Variants in MGAT5 observed in about 807,000 individuals in gnomAD.
The protein encoded by MGAT5 is alpha-1,6-mannosylglycoprotein 6-beta-N-acetylglucosaminyltransferase.
In MGAT5, 30 loss-of-function variants were observed where a neutral mutation model predicts 94.3. That is an observed-to-expected ratio of 0.32 (90% CI 0.24 to 0.43). The LOEUF (loss-of-function observed/expected upper bound fraction) is 0.43, where lower values mean the gene tolerates loss of function less well. Among genes scored for constraint, MGAT5 ranks in the 20% least tolerant of loss-of-function variants. The pLI is 1.00. For synonymous variants in MGAT5, 310 were observed against 322.9 expected (o/e 0.96, Z 0.43); for missense variants, 691 against 905.5 (o/e 0.76, Z 3.04).
chr2:134,424,522 G>C (rs1174060908), intron 13 of MGAT5, among the ~76,000 whole-genome samples: 2 of 152,136 alleles, frequency 1.3e-5, no homozygotes, highest in African/African-American at 2.4e-5. Context: ...GTTCCTCTAG[G>C]CTGCCTCAAA....
At chr2:134,255,785 G>T (rs1682928220) in intron 1 of MGAT5, among the ~76,000 whole-genome samples, 1 of 152,136 alleles carries the variant, frequency 6.6e-6, no homozygotes, top group Non-Finnish European at 1.5e-5. Flanking sequence ...CAAGGAAGGT[G>T]CCCTGAAGTA....
At chr2:134,410,330 A>G (rs1340202961) in intron 11 of MGAT5, among the ~76,000 whole-genome samples, 1 of 152,226 alleles carries the variant, frequency 6.6e-6, no homozygotes, top group African/African-American at 2.4e-5. Context: ...TATCACAGGT[A>G]ATAAGCACAC....
intron 8 of MGAT5, among the ~76,000 whole-genome samples, chr2:134,346,063 C>A (rs897695718): frequency 2.6e-5 from 4 of 152,062 alleles, no homozygotes; most frequent in Non-Finnish European, 5.9e-5. Context: ...AGTGCTCTAC[C>A]TTTTGCATGA....
intron 1 of MGAT5, among the ~76,000 whole-genome samples, chr2:134,236,374 A>C (rs886339809): frequency 9.2e-5 from 14 of 152,164 alleles, no homozygotes; most frequent in African/African-American, 2.7e-4. Context: ...TCTGCAGCCC[A>C]AAAGAGTCTC....
intron 1 of MGAT5, among the ~76,000 whole-genome samples, chr2:134,198,809 T>G (rs964190971): frequency 6.6e-6 from 1 of 152,230 alleles, no homozygotes; most frequent in Non-Finnish European, 1.5e-5. Flanking sequence ...CTTATAACTT[T>G]TGGTAACTGC....
At chr2:134,265,629 A>G (rs1207699773) in intron 1 of MGAT5, among the ~76,000 whole-genome samples, 1 of 152,224 alleles carries the variant, frequency 6.6e-6, no homozygotes, top group Non-Finnish European at 1.5e-5. Flanking sequence ...AGGAATGCAG[A>G]ATTGCAGTAG....
At chr2:134,289,573 A>G (rs1189767369) in intron 2 of MGAT5, among the ~76,000 whole-genome samples, 1 of 152,216 alleles carries the variant, frequency 6.6e-6, no homozygotes, top group Non-Finnish European at 1.5e-5. Context: ...TTGCAAGACT[A>G]ACCATGGACT....
At chr2:134,358,901 T>G (rs1441063551) in intron 9 of MGAT5, among the ~76,000 whole-genome samples, 1 of 152,206 alleles carries the variant, frequency 6.6e-6, no homozygotes, top group African/African-American at 2.4e-5. Flanking sequence ...CCAAAACATT[T>G]GTCATTGAGT....
chr2:134,229,897 C>G (rs938425064), intron 1 of MGAT5, among the ~76,000 whole-genome samples: 16 of 152,102 alleles, frequency 1.1e-4, no homozygotes, highest in African/African-American at 3.4e-4. Context: ...AACAAATAAT[C>G]AGTAAGTACA....
chr2:134,251,234 G>A (rs2105493803), upstream of MGAT5, among the ~76,000 whole-genome samples: 1 of 152,076 alleles, frequency 6.6e-6, no homozygotes, highest in South Asian at 2.1e-4. Flanking sequence ...GGAGCTAGGT[G>A]CAGCACCTAG....
intron 1 of MGAT5, among the ~76,000 whole-genome samples, chr2:134,189,591 A>ATTTTTTTTTTTTTTTTT (rs1689215447): frequency 3.8e-5 from 1 of 26,578 alleles, no homozygotes; most frequent in Non-Finnish European, 6.9e-5. Flanking sequence ...TCATGGCTCT[A>ATTTTTTTTTTTTTTTTT]GTTTTTTTTT....
intron 1 of MGAT5, among the ~76,000 whole-genome samples, chr2:134,171,639 C>T (rs1182789142): frequency 6.6e-6 from 1 of 152,262 alleles, no homozygotes; most frequent in East Asian, 1.9e-4. Context: ...TCCAAAAAAA[C>T]GGAGAACCAA....
At chr2:134,146,640 TGCTGTTGTTTCTAATGGATGTGAGA>T (rs1439274625) in intron 1 of MGAT5, among the ~76,000 whole-genome samples, 6 of 152,328 alleles carry the variant, frequency 3.9e-5, no homozygotes, top group Non-Finnish European at 8.8e-5. Flanking sequence ...AAGATAATGC[TGCTGTTGTTTCTAATGGATGTGAGA>T]GGGCCTGGGG....
upstream of MGAT5, among the ~76,000 whole-genome samples, chr2:134,251,318 G>T (rs760991401): frequency 3.9e-5 from 6 of 152,168 alleles, no homozygotes; most frequent in Non-Finnish European, 8.8e-5. Context: ...AGTCACCAGG[G>T]CCTGATGGCC....
At chr2:134,408,920 T>C (rs1025364807) in intron 11 of MGAT5, among the ~76,000 whole-genome samples, 1 of 152,234 alleles carries the variant, frequency 6.6e-6, no homozygotes, top group Admixed American at 6.5e-5. Context: ...AGCAATAGCA[T>C]GTGACTCATG....
At chr2:134,348,497 T>C (rs1689054709) in intron 8 of MGAT5, among the ~76,000 whole-genome samples, 1 of 152,182 alleles carries the variant, frequency 6.6e-6, no homozygotes, top group South Asian at 2.1e-4. Flanking sequence ...AAATGAAAAT[T>C]TTTGAGTATA....
At chr2:134,260,080 C>CAGCATATA (rs58725829) in intron 1 of MGAT5, among the ~76,000 whole-genome samples, 1 of 151,808 alleles carries the variant, frequency 6.6e-6, no homozygotes, top group African/African-American at 2.4e-5. Flanking sequence ...GTCCTAAGGC[C>CAGCATATA]TACTCCAGGG....
chr2:134,202,123 A>G (rs983579100), intron 1 of MGAT5, among the ~76,000 whole-genome samples: 1 of 152,008 alleles, frequency 6.6e-6, no homozygotes, highest in Non-Finnish European at 1.5e-5. Flanking sequence ...ATCCTCTGCC[A>G]CCTGACCCAG....
At chr2:134,305,597 G>C (rs1686279356) in intron 2 of MGAT5, among the ~76,000 whole-genome samples, 1 of 152,066 alleles carries the variant, frequency 6.6e-6, no homozygotes, top group Non-Finnish European at 1.5e-5. Flanking sequence ...CCAAACTCAA[G>C]ACACCTTTGA....
Sources: allele counts gnomAD v4.1 joint callset (sites outside exome capture counted in the v4.1 genomes callset), GRCh38; gene constraint gnomAD v4.1.1; transcripts MANE v1.5; gene names NCBI Gene and HGNC (gene_info 2026-07-23, HGNC 2026-07-21).